The following NRG3 variants were observed in gnomAD, a reference collection of about 807,000 sequenced individuals.
NRG3 encodes neuregulin 3.
A neutral mutation model predicts 66.9 loss-of-function variants in NRG3; 31 were observed. The observed-to-expected ratio is 0.46, with a 90% CI of 0.35 to 0.63. The LOEUF (loss-of-function observed/expected upper bound fraction) is 0.63. NRG3 is among the 20% of genes least tolerant of loss of function. The pLI is 0.00. For synonymous variants in NRG3, 393 were observed against 359.4 expected, an observed-to-expected ratio of 1.09 and a Z score of -1.06; for missense variants, 910 against 878.9, an observed-to-expected ratio of 1.04 and a Z score of -0.45.
chr10:82,462,014 C>T (rs558231021), intron 2 of NRG3, among the ~76,000 whole-genome samples: 1 of 152,090 alleles, frequency 6.6e-6, no homozygotes, highest in Non-Finnish European at 1.5e-5. Context: ...GCCTGTAATC[C>T]CAGCTACTCG....
At chr10:82,618,932 T>A (rs2133588045) in intron 2 of NRG3, among the ~76,000 whole-genome samples, 1 of 82,242 alleles carries the variant, frequency 1.2e-5, no homozygotes, top group East Asian at 6.4e-4. Context: ...TAGGAGTGAT[T>A]TTTTTTTTTA....
At chr10:82,625,343 T>C (rs895439254) in intron 2 of NRG3, among the ~76,000 whole-genome samples, 2 of 152,158 alleles carry the variant, frequency 1.3e-5, no homozygotes, top group African/African-American at 4.8e-5. Flanking sequence ...ATCTGCAACA[T>C]AGAATAATGC....
chr10:82,330,593 T>C (rs917907918), intron 1 of NRG3, among the ~76,000 whole-genome samples: 9 of 152,212 alleles, frequency 5.9e-5, no homozygotes, highest in Non-Finnish European at 1.3e-4. Flanking sequence ...TTTTCTGATT[T>C]AGGATGTTTT....
At chr10:82,623,503 T>TGGCATTTTCTATGTGCCA (rs1438434088) in intron 2 of NRG3, among the ~76,000 whole-genome samples, 1 of 152,166 alleles carries the variant, frequency 6.6e-6, no homozygotes, top group Non-Finnish European at 1.5e-5. Flanking sequence ...TCCCACACTT[T>TGGCATTTTCTATGTGCCA]GGCATTTTCT....
At chr10:82,754,499 A>G (rs1278704337) in intron 3 of NRG3, among the ~76,000 whole-genome samples, 1 of 151,574 alleles carries the variant, frequency 6.6e-6, no homozygotes, top group Non-Finnish European at 1.5e-5. Flanking sequence ...CAGGCTACAT[A>G]ATGAGAGAAG....
chr10:82,937,170 A>G (rs917429128), intron 4 of NRG3, among the ~76,000 whole-genome samples: 12 of 152,190 alleles, frequency 7.9e-5, no homozygotes, highest in African/African-American at 2.9e-4. Context: ...TCTCAAATTC[A>G]GTTTTTACAA....
At chr10:82,778,129 G>A (rs1030857853) in intron 3 of NRG3, among the ~76,000 whole-genome samples, 110 of 152,068 alleles carry the variant, frequency 7.2e-4, no homozygotes, top group African/African-American at 2.5e-3. Context: ...GGCACTGAGC[G>A]GGTATTGCTG....
chr10:82,416,389 G>T (rs1192805279), intron 2 of NRG3, among the ~76,000 whole-genome samples: 1 of 152,124 alleles, frequency 6.6e-6, no homozygotes, highest in African/African-American at 2.4e-5. Flanking sequence ...ATGTGACCAA[G>T]AAATTACAGT....
At chr10:82,654,152 A>G (rs1204192346) in intron 2 of NRG3, among the ~76,000 whole-genome samples, 1 of 152,132 alleles carries the variant, frequency 6.6e-6, no homozygotes, top group African/African-American at 2.4e-5. Flanking sequence ...TCATGGTGAT[A>G]GGCTGGACAT....
chr10:82,158,047 CA>C (rs1233217621), intron 1 of NRG3, among the ~76,000 whole-genome samples: 1 of 151,454 alleles, frequency 6.6e-6, no homozygotes, highest in Non-Finnish European at 1.5e-5. Flanking sequence ...AGGATTATTA[CA>C]AAAAACACTC....
chr10:82,855,752 A>G (rs950475045), intron 3 of NRG3, among the ~76,000 whole-genome samples: 1 of 152,136 alleles, frequency 6.6e-6, no homozygotes, highest in African/African-American at 2.4e-5. Context: ...GGAATAAAAA[A>G]AAAACCCAGA....
chr10:82,704,474 CA>C (rs1435418222), intron 2 of NRG3, among the ~76,000 whole-genome samples: 1 of 152,130 alleles, frequency 6.6e-6, no homozygotes, highest in Admixed American at 6.6e-5. Context: ...TGCTAAAAAT[CA>C]AGAAACACTC....
At chr10:82,308,343 C>T (rs2134920565) in intron 1 of NRG3, among the ~76,000 whole-genome samples, 1 of 152,234 alleles carries the variant, frequency 6.6e-6, no homozygotes, top group East Asian at 1.9e-4. Context: ...CCTGCCTTGA[C>T]CTCTCAAAGT....
intron 4 of NRG3, among the ~76,000 whole-genome samples, chr10:82,909,708 G>T (rs951128335): frequency 6.6e-6 from 1 of 152,168 alleles, no homozygotes; most frequent in African/African-American, 2.4e-5. Flanking sequence ...CTTATGCTAT[G>T]CTCTGTGATA....
At chr10:82,494,607 A>G (rs1278721832) in intron 2 of NRG3, among the ~76,000 whole-genome samples, 2 of 152,150 alleles carry the variant, frequency 1.3e-5, no homozygotes, top group African/African-American at 4.8e-5. Context: ...GCAAAGATGT[A>G]TTACAAGAAA....
chr10:82,951,443 T>C, intron 4 of NRG3, 26 bp from the exon 5 acceptor site: 1 of 1,568,982 alleles, frequency 6.4e-7, no homozygotes, highest in South Asian at 1.1e-5. Flanking sequence ...TAGCATCCAT[T>C]CTAATTTTGT....
chr10:82,236,681 C>T (rs970699192), intron 1 of NRG3, among the ~76,000 whole-genome samples: 15 of 148,296 alleles, frequency 1.0e-4, no homozygotes, highest in Non-Finnish European at 1.8e-4. Flanking sequence ...TGGCCTCCCT[C>T]TATCTCCTTC....
At chr10:82,945,044 C>A (rs567476004) in intron 4 of NRG3, among the ~76,000 whole-genome samples, 1 of 152,122 alleles carries the variant, frequency 6.6e-6, no homozygotes, top group African/African-American at 2.4e-5. Flanking sequence ...TTTCAGCTGA[C>A]CCTGGAAGCT....
chr10:82,287,652 C>T (rs1031629088), intron 1 of NRG3, among the ~76,000 whole-genome samples: 2 of 152,096 alleles, frequency 1.3e-5, no homozygotes, highest in African/African-American at 4.8e-5. Context: ...TGTTCATGAT[C>T]TTTCTTATAA....
Sources: allele counts gnomAD v4.1 joint callset (sites outside exome capture counted in the v4.1 genomes callset), GRCh38; gene constraint gnomAD v4.1.1; transcripts MANE v1.5; gene names NCBI Gene and HGNC (gene_info 2026-07-23, HGNC 2026-07-21).